Variants in BRMS1L observed in about 807,000 individuals in gnomAD.
The protein encoded by BRMS1L is BRMS1 like transcriptional repressor, also known as breast cancer metastasis-suppressor 1-like protein.
BRMS1L carries 23 observed loss-of-function variants against 50.3 expected under a neutral mutation model. The ratio of observed to expected loss-of-function variants is 0.46; its 90% CI spans 0.33 to 0.65. The LOEUF (loss-of-function observed/expected upper bound fraction) is 0.65, where lower values mean the gene tolerates loss of function less well. BRMS1L is among the 30% of genes least tolerant of loss of function. The probability of loss-of-function intolerance (pLI) is 0.02; values close to 1 mark genes in which losing one functional copy is unlikely to be tolerated. For missense variants in BRMS1L, 286 were observed against 386.1 expected, an observed-to-expected ratio of 0.74 and a Z score of 2.17; for synonymous variants, 114 against 126.9, an observed-to-expected ratio of 0.90 and a Z score of 0.69.
At chr14:35,838,839 T>C (rs1226883044) in intron 4 of BRMS1L, among the ~76,000 whole-genome samples, 3 of 152,202 alleles carry the variant, frequency 2.0e-5, no homozygotes, top group Admixed American at 6.5e-5. Flanking sequence ...ACTCTGATGA[T>C]AGTTTCTTTT....
chr14:35,841,586 C>T (rs533905964), intron 4 of BRMS1L, among the ~76,000 whole-genome samples: 83 of 152,232 alleles, frequency 5.5e-4, no homozygotes, highest in African/African-American at 1.6e-3. Flanking sequence ...CGTAAGCCAC[C>T]GTGCCTGGGC....
intron 1 of BRMS1L, among the ~76,000 whole-genome samples, chr14:35,830,446 C>T (rs2077904329): frequency 6.6e-6 from 1 of 152,196 alleles, no homozygotes; most frequent in East Asian, 1.9e-4. Context: ...CAACCTCTGC[C>T]TATCAAGTTC....
intron 4 of BRMS1L, among the ~76,000 whole-genome samples, chr14:35,856,672 C>T (rs184301185): frequency 2.6e-5 from 4 of 151,742 alleles, no homozygotes; most frequent in South Asian, 2.1e-4. Flanking sequence ...AGTGTAGTGG[C>T]GCGATCTTAG....
Position 35,826,615 on chromosome 14 carries a change from G to A in BRMS1L, c.99G>A (p.Glu33=). 6.2e-7 allele frequency: 1 copy of A among 1,612,470 alleles called. No homozygotes were observed. The highest frequency in any genetic ancestry group is 8.5e-7 in the Non-Finnish European group (1 of 1,179,520). The change falls in exon 1 of 10, where the codon GAG becomes GAA. Residue 33 remains glutamate, a synonymous_variant. Coordinates refer to ENST00000216807, the MANE Select transcript of BRMS1L (RefSeq NM_032352.4). The part of the protein sequence containing the change: ...AENEGSSSED[E]DTESSSVSED... ...ATGAGGGGAGCAGCTCCGAGGACGA[G>A]GACACTGAGAGCTCGTCGGTCTCCG...
intron 9 of BRMS1L, among the ~76,000 whole-genome samples, chr14:35,869,284 A>C (rs4981314): frequency 0.33 from 49,820 of 151,972 alleles, 10,828 homozygotes; most frequent in African/African-American, 0.6. Context: ...GGTACAATAG[A>C]TCTTTCCTGT....
chr14:35,858,537 T>C (rs1347554789), intron 4 of BRMS1L: 2 of 152,218 alleles, frequency 1.3e-5, no homozygotes, highest in African/African-American at 2.4e-5. Context: ...CTCCAAAACT[T>C]AGTGGCTTAA....
chr14:35,860,391 G>A (rs2078333708), intron 4 of BRMS1L, among the ~76,000 whole-genome samples: 2 of 152,082 alleles, frequency 1.3e-5, no homozygotes, highest in South Asian at 4.1e-4. Context: ...ACCTGCCTCA[G>A]CCTCCCAAAG....
At chr14:35,864,019 A>G in intron 6 of BRMS1L, 66 bp downstream of exon 6, 1 of 1,207,426 alleles carries the variant, frequency 8.3e-7, no homozygotes, top group Non-Finnish European at 1.2e-6. Context: ...GCATGCCTTT[A>G]TAACTTTTAT....
At chr14:35,864,159 A>G (rs986043738) in intron 6 of BRMS1L, among the ~76,000 whole-genome samples, 2 of 152,232 alleles carry the variant, frequency 1.3e-5, no homozygotes, top group African/African-American at 4.8e-5. Context: ...AAGAAATTCA[A>G]TCATGATCTC....
At chr14:35,845,982 A>G (rs1458323088) in intron 4 of BRMS1L, among the ~76,000 whole-genome samples, 1 of 152,212 alleles carries the variant, frequency 6.6e-6, no homozygotes, top group Non-Finnish European at 1.5e-5. Context: ...ATTTTGGTGA[A>G]TTATTTGAGA....
rs150041333 is a variant in BRMS1L, at chr14:35,860,227, T to G, written c.442-2363T>G. 2.6e-3 allele frequency among the ~76,000 whole-genome samples: 403 copies of G among 152,222 alleles called. 11 individuals carry two copies. In the East Asian group the frequency reaches 0.047, roughly 18 times the overall value. The stretch of plus-strand genomic sequence containing the variant: ...TTACTGCAACCTCCACCTTCTGGGC[T>G]CAAGCGATTCTAGTGCCTCAGCCTC... On this transcript the variant is annotated intron_variant, in intron 4 of 9. Transcript: ENST00000216807.
chr14:35,858,588 A>G (rs1413106437), intron 4 of BRMS1L: 1 of 152,240 alleles, frequency 6.6e-6, no homozygotes, highest in Non-Finnish European at 1.5e-5. Flanking sequence ...CTCAGTGGCC[A>G]GGAATTTGGG....
chr14:35,826,615 G>C lies in BRMS1L; in HGVS notation c.99G>C (p.Glu33Asp), dbSNP rs752515545. ...ATGAGGGGAGCAGCTCCGAGGACGA[G>C]GACACTGAGAGCTCGTCGGTCTCCG... The part of the protein sequence containing the change: ...AENEGSSSED[E>D]DTESSSVSED... The change falls in exon 1 of 10, where the codon GAG becomes GAC. Residue 33 changes from glutamate (E) to aspartate (D), a missense_variant. Physicochemically the swap from Glu to Asp is conservative, Grantham distance 45 (BLOSUM62 2). This residue lies in a region of BRMS1L where 66 missense variants were observed against 67.8 expected (regional missense o/e 0.97). Coordinates refer to ENST00000216807, the MANE Select transcript of BRMS1L (RefSeq NM_032352.4). 2.5e-6 allele frequency: 4 copies of C among 1,612,470 alleles called. No individual in the cohort carries two copies. The highest frequency in any genetic ancestry group is 3.4e-6 in the Non-Finnish European group (4 of 1,179,520).
At chr14:35,861,760 T>A (rs2078354471) in intron 4 of BRMS1L, among the ~76,000 whole-genome samples, 1 of 152,200 alleles carries the variant, frequency 6.6e-6, no homozygotes, top group Non-Finnish European at 1.5e-5. Flanking sequence ...GTGGCCTGTG[T>A]TTTCTACATG....
chr14:35,869,753 G>A (rs1428267407), intron 9 of BRMS1L, among the ~76,000 whole-genome samples: 1 of 152,066 alleles, frequency 6.6e-6, no homozygotes, highest in Non-Finnish European at 1.5e-5. Flanking sequence ...GACTGAGGCA[G>A]GAGAATCACT....
intron 4 of BRMS1L, among the ~76,000 whole-genome samples, chr14:35,846,120 C>G (rs1190406655): frequency 2.0e-5 from 3 of 152,166 alleles, no homozygotes; most frequent in Non-Finnish European, 2.9e-5. Flanking sequence ...GGTGCAGTGG[C>G]TCATGCCTGT....
intron 4 of BRMS1L, among the ~76,000 whole-genome samples, chr14:35,839,206 C>T (rs1323975613): frequency 3.9e-5 from 6 of 152,060 alleles, no homozygotes; most frequent in African/African-American, 4.8e-5. Context: ...TTTCTGAGGC[C>T]TCTATTCTGT....
chr14:35,840,508 T>C (rs2078049240), intron 4 of BRMS1L, among the ~76,000 whole-genome samples: 1 of 147,022 alleles, frequency 6.8e-6, no homozygotes, highest in Non-Finnish European at 1.5e-5. Flanking sequence ...CTGGGCTTTT[T>C]TTGGTTGGTA....
intron 4 of BRMS1L, among the ~76,000 whole-genome samples, chr14:35,852,927 T>A (rs1196696916): frequency 6.6e-6 from 1 of 151,172 alleles, no homozygotes; most frequent in Non-Finnish European, 1.5e-5. Context: ...CGAGGCTCCG[T>A]CTCAAAAAAA....
Sources: gnomAD v4.1 joint callset for allele counts (sites outside exome capture counted in the v4.1 genomes callset) on GRCh38, gnomAD v4.1.1 for gene constraint, gnomAD v4.1.1 regional missense constraint, MANE v1.5 for transcripts, NCBI Gene and HGNC (gene_info 2026-07-23, HGNC 2026-07-21) for gene names.